GALNT18: variants seen among roughly 807,000 people sequenced by gnomAD.
GALNT18 encodes the protein polypeptide N-acetylgalactosaminyltransferase 18.
A neutral mutation model predicts 69.5 loss-of-function variants in GALNT18; 44 were observed. That is an observed-to-expected ratio of 0.63 (90% confidence interval 0.50 to 0.81). The LOEUF is 0.81. Among genes scored for constraint, GALNT18 ranks in the 40% least tolerant of loss-of-function variants. The pLI, the probability that GALNT18 is intolerant of heterozygous loss-of-function variation, is 0.00. For synonymous variants in GALNT18, 364 were observed against 318.2 expected (o/e 1.14, Z -1.53); for missense variants, 715 against 810.0 (o/e 0.88, Z 1.42).
chr11:11,417,026 C>T (rs1385941482), intron 3 of GALNT18, among the ~76,000 whole-genome samples: 4 of 152,226 alleles, frequency 2.6e-5, no homozygotes, highest in African/African-American at 9.6e-5. Context: ...AGGCACTGGC[C>T]ACATCTATTC....
chr11:11,507,302 C>G (rs1002776997), intron 1 of GALNT18, among the ~76,000 whole-genome samples: 1 of 152,140 alleles, frequency 6.6e-6, no homozygotes, highest in Non-Finnish European at 1.5e-5. Context: ...ATCATAAAAA[C>G]CCACCAATGG....
At chr11:11,419,071 G>A (rs11021842) in intron 3 of GALNT18, among the ~76,000 whole-genome samples, 44,820 of 151,722 alleles carry the variant, frequency 0.3, 7,644 homozygotes, top group East Asian at 0.66. Context: ...TATGGGCACC[G>A]GCGATGGAAA....
intron 1 of GALNT18, among the ~76,000 whole-genome samples, chr11:11,580,962 T>C (rs1859064852): frequency 6.6e-6 from 1 of 152,266 alleles, no homozygotes; most frequent in Non-Finnish European, 1.5e-5. Flanking sequence ...TGCCAAAGAC[T>C]GTGTCATCCT....
Position 11,383,019 on chromosome 11 carries a change from A to G in GALNT18, c.596-3755T>C, listed in dbSNP as rs1227776880. 1.3e-5 allele frequency among the ~76,000 whole-genome samples: 2 copies of G among 152,108 alleles called. No homozygotes were observed. Among genetic ancestry groups the G allele is most frequent in the Non-Finnish European group, 2.9e-5 (2 of 68,012 alleles). On this transcript the variant is annotated intron_variant, in intron 3 of 10. Coordinates refer to ENST00000227756, the MANE Select transcript of GALNT18 (RefSeq NM_198516.3). The surrounding 1 kb of genome is among the most constrained non-coding windows in gnomAD (Gnocchi z 5.2). ...CAGGTGTCATCCTGCTTATGTTGCT[A>G]CTTCAGCTCTCTCCTACTGTCCACA...
intron 1 of GALNT18, among the ~76,000 whole-genome samples, chr11:11,570,626 A>G (rs1291727476): frequency 3.3e-5 from 5 of 152,194 alleles, no homozygotes; most frequent in Admixed American, 1.3e-4. Context: ...ACCCCAGCTC[A>G]GGAAGGATTT....
chr11:11,565,137 C>G (rs1460436710), intron 1 of GALNT18, among the ~76,000 whole-genome samples: 1 of 152,234 alleles, frequency 6.6e-6, no homozygotes, highest in Non-Finnish European at 1.5e-5. Context: ...AACCATAAGA[C>G]CATCACTGTT....
rs560449508 is a variant in GALNT18, at chr11:11,575,066, A to T, written c.235+46293T>A. On this transcript the variant is annotated intron_variant, in intron 1 of 10. Coordinates refer to ENST00000227756, the MANE Select transcript of GALNT18 (RefSeq NM_198516.3). ...AAAATGCATCATAAATCCAACATTTAAGAGAGGTTTATTTAAGCCAGTCTA... is the reference window on the plus strand; with the variant it reads ...AAAATGCATCATAAATCCAACATTTTAGAGAGGTTTATTTAAGCCAGTCTA... Among the ~76,000 whole-genome samples the T allele has an allele frequency of 5.3e-5, 8 of 152,340 alleles. No individual in the cohort carries two copies. The East Asian group carries it at 1.2e-3, about 22-fold the overall frequency.
At chr11:11,362,888 G>C (rs766982878) in intron 6 of GALNT18, among the ~76,000 whole-genome samples, 42 of 152,254 alleles carry the variant, frequency 2.8e-4, no homozygotes, top group African/African-American at 9.4e-4. Context: ...GTATGCAAAA[G>C]ACTATTAATT....
Position 11,385,342 on chromosome 11 carries a change from A to C in GALNT18, c.596-6078T>G, listed in dbSNP as rs375317526. Among the ~76,000 whole-genome samples, 460 of 149,026 alleles carry C rather than the reference A, an allele frequency of 3.1e-3. 4 individuals are homozygous for C. Among genetic ancestry groups the C allele is most frequent in the African/African-American group, 6.6e-3 (266 of 40,450 alleles). The stretch of plus-strand genomic sequence containing the variant: ...ACAGAGTCTCGCTCTGTTGCCCAGG[A>C]TGGAGTGCAGTGGTGCAATCTCGGC... On this transcript the variant is annotated intron_variant, in intron 3 of 10. Coordinates refer to ENST00000227756, the MANE Select transcript of GALNT18 (RefSeq NM_198516.3).
intron 8 of GALNT18, among the ~76,000 whole-genome samples, chr11:11,328,725 A>G (rs1849968517): frequency 1.3e-5 from 2 of 152,248 alleles, no homozygotes; most frequent in South Asian, 4.2e-4. Flanking sequence ...ATTATAAACC[A>G]ATTCCTTGGT....
chr11:11,411,535 C>G (rs1178756241), intron 3 of GALNT18, among the ~76,000 whole-genome samples: 3 of 152,210 alleles, frequency 2.0e-5, no homozygotes, highest in Admixed American at 6.5e-5. Flanking sequence ...TCTTCTTGGT[C>G]TGCTCAGAAC....
At position 11,332,672 on chromosome 11, in the gene GALNT18, C is replaced by A; in HGVS notation, c.1416+22G>T. On this transcript the variant is annotated intron_variant, in intron 8 of 10. Transcript: ENST00000227756. This position sits in a 1 kb window ranked among gnomAD's most constrained non-coding sequence, Gnocchi z 4.3. ...CTTTCTGTCTGTGTCTGAATGAAAC[C>A]CGGAGGAGGCCAGCTCCTTACCACT... The A allele has an allele frequency of 3.7e-6, 6 of 1,613,192 alleles. No homozygotes were observed. Among genetic ancestry groups the A allele is most frequent in the Non-Finnish European group, 5.1e-6 (6 of 1,179,330 alleles).
Position 11,271,053 on chromosome 11 carries a change from C to T in GALNT18, c.*91G>A, listed in dbSNP as rs996677029. On this transcript the variant is annotated 3_prime_UTR_variant, in exon 11 of 11. Transcript: ENST00000227756. ...TTGGGGGCCCACTAACCTGGTTCCC[C>T]AGACTCCAAACAACCCCACGTGGAC... 15 of 1,265,568 alleles carry T rather than the reference C, an allele frequency of 1.2e-5. No individual in the cohort carries two copies. The highest frequency in any genetic ancestry group is 2.4e-5 in the Admixed American group (1 of 41,874). 78.4% of individuals were successfully genotyped at this position (1,265,568 alleles called of 1,614,324 possible).
intron 10 of GALNT18, among the ~76,000 whole-genome samples, chr11:11,284,423 G>A (rs1267665381): frequency 2.0e-5 from 3 of 152,130 alleles, no homozygotes; most frequent in East Asian, 1.9e-4. Flanking sequence ...AAAGTTCCCA[G>A]GTGCTGTTTC....
chr11:11,364,060 C>G (rs1850701437), intron 6 of GALNT18, among the ~76,000 whole-genome samples: 2 of 152,248 alleles, frequency 1.3e-5, no homozygotes, highest in Admixed American at 1.3e-4. Flanking sequence ...ACTAATTGGT[C>G]CCCTTTGGAG....
intron 9 of GALNT18, among the ~76,000 whole-genome samples, chr11:11,293,531 C>CT (rs1564883642): frequency 2.2e-5 from 2 of 89,186 alleles, no homozygotes; most frequent in African/African-American, 8.7e-5. Context: ...TTACAAACCC[C>CT]TCTTTTTTTT....
At position 11,542,943 on chromosome 11, in the gene GALNT18, C is replaced by T. The variant is rs754366843; in HGVS notation, c.235+78416G>A. ...AGTGGTTGAGAAGGATCCATTAGTTCGTGGGTGAGGAGCAGGGTGCATGGA... is the reference window on the plus strand; with the variant it reads ...AGTGGTTGAGAAGGATCCATTAGTTTGTGGGTGAGGAGCAGGGTGCATGGA... On this transcript the variant is annotated intron_variant, in intron 1 of 10. Coordinates refer to ENST00000227756, the MANE Select transcript of GALNT18 (RefSeq NM_198516.3). This position sits in a 1 kb window ranked among gnomAD's most constrained non-coding sequence, Gnocchi z 4.3. 3.9e-5 allele frequency among the ~76,000 whole-genome samples: 6 copies of T among 152,166 alleles called. No homozygotes were observed. Among genetic ancestry groups the T allele is most frequent in the African/African-American group, 7.2e-5 (3 of 41,436 alleles).
At chr11:11,577,110 G>C (rs1858943575) in intron 1 of GALNT18, among the ~76,000 whole-genome samples, 1 of 152,206 alleles carries the variant, frequency 6.6e-6, no homozygotes, top group Non-Finnish European at 1.5e-5. Context: ...TGTGAAAGGG[G>C]GATGATGATA....
chr11:11,577,914 G>C (rs1458338740), intron 1 of GALNT18, among the ~76,000 whole-genome samples: 1 of 152,192 alleles, frequency 6.6e-6, no homozygotes, highest in Non-Finnish European at 1.5e-5. Flanking sequence ...ATTGGCAGGG[G>C]CATTTGGCAG....
Sources: allele counts gnomAD v4.1 joint callset (sites outside exome capture counted in the v4.1 genomes callset), GRCh38; gene constraint gnomAD v4.1.1; non-coding constraint Gnocchi (gnomAD v3.1); transcripts MANE v1.5; gene names NCBI Gene and HGNC (gene_info 2026-07-23, HGNC 2026-07-21).